The following DENND4C variants were observed in gnomAD, a reference collection of about 807,000 sequenced individuals.
DENND4C encodes the protein DENN domain-containing protein 4C.
In DENND4C, 108 loss-of-function variants were observed where a neutral mutation model predicts 203.0. That is an observed-to-expected ratio of 0.53 (90% CI 0.46 to 0.62). DENND4C has a LOEUF of 0.62. Among genes scored for constraint, DENND4C ranks in the 20% least tolerant of loss-of-function variants. DENND4C has a pLI of 0.00. For missense variants in DENND4C, 2,481 were observed against 2,301.2 expected (o/e 1.08, Z -1.60); for synonymous variants, 871 against 792.4 (o/e 1.10, Z -1.67).
At chr9:19,302,102 A>T (rs1838711372) in intron 9 of DENND4C, among the ~76,000 whole-genome samples, 1 of 152,244 alleles carries the variant, frequency 6.6e-6, no homozygotes, top group Non-Finnish European at 1.5e-5. Flanking sequence ...AAAATGCCAG[A>T]GTATATGAGG....
intron 23 of DENND4C, 56 bp downstream of exon 23, chr9:19,347,142 T>C: frequency 6.8e-7 from 1 of 1,466,112 alleles, no homozygotes; most frequent in Non-Finnish European, 9.3e-7. Flanking sequence ...ATAGTATCTT[T>C]CTAGAAATAT....
At position 19,273,174 on chromosome 9, in the gene DENND4C, A is replaced by G. The variant is rs949598966; in HGVS notation, c.-17-2984A>G. Among the ~76,000 whole-genome samples, 17 of 151,152 alleles carry G rather than the reference A, an allele frequency of 1.1e-4. 1 individual carries two copies. The highest frequency in any genetic ancestry group is 3.9e-4 in the African/African-American group (16 of 40,912). ...TCACTAGGTTAGCCAGATGGTCTCA[A>G]TCTCCTGACCTCGTGATCCACCTGC... On this transcript the variant is annotated intron_variant, in intron 1 of 32. Coordinates refer to ENST00000434457, the MANE Select transcript of DENND4C (RefSeq NM_001330640.2).
chr9:19,268,301 T>C (rs189024084), intron 1 of DENND4C, among the ~76,000 whole-genome samples: 262 of 152,246 alleles, frequency 1.7e-3, no homozygotes, highest in African/African-American at 6.1e-3. Context: ...GGTTTTGCCA[T>C]GTTGTCCAGG....
chr9:19,360,145 G>T, intron 28 of DENND4C, 99 bp from the exon 29 acceptor site: 2 of 1,260,444 alleles, frequency 1.6e-6, no homozygotes, highest in Non-Finnish European at 2.2e-6. Flanking sequence ...TAAAATAACT[G>T]ATTTAAAAAG....
intron 1 of DENND4C, among the ~76,000 whole-genome samples, chr9:19,264,922 T>C (rs1184977060): frequency 6.6e-6 from 1 of 152,192 alleles, no homozygotes; most frequent in Non-Finnish European, 1.5e-5. Context: ...GTAGGCACTT[T>C]TGCTATAAAC....
chr9:19,278,873 C>T (rs1211489185), intron 2 of DENND4C, among the ~76,000 whole-genome samples: 2 of 151,868 alleles, frequency 1.3e-5, no homozygotes, highest in Non-Finnish European at 2.9e-5. Context: ...CCACTCTGCC[C>T]CCCCAGAAGC....
chr9:19,303,521 C>T (rs1839023261), intron 9 of DENND4C, among the ~76,000 whole-genome samples: 1 of 152,144 alleles, frequency 6.6e-6, no homozygotes, highest in Non-Finnish European at 1.5e-5. Flanking sequence ...CTGTCTTTTA[C>T]AGAAAAAGTT....
chr9:19,236,385 T>C (rs1168493934), intron 1 of DENND4C, among the ~76,000 whole-genome samples: 1 of 152,208 alleles, frequency 6.6e-6, no homozygotes, highest in Non-Finnish European at 1.5e-5. Context: ...TACAACTTGC[T>C]GTAAAAAGGC....
intron 12 of DENND4C, among the ~76,000 whole-genome samples, chr9:19,319,348 A>AC (rs10682156): frequency 8.3e-5 from 4 of 48,254 alleles, no homozygotes; most frequent in African/African-American, 2.5e-4. Flanking sequence ...ACATATATAT[A>AC]TACTTATATA....
At chr9:19,271,479 G>A (rs1256607598) in intron 1 of DENND4C, among the ~76,000 whole-genome samples, 1 of 152,108 alleles carries the variant, frequency 6.6e-6, no homozygotes, top group African/African-American at 2.4e-5. Context: ...TGGAATTACA[G>A]GTGTGAGCTA....
intron 1 of DENND4C, among the ~76,000 whole-genome samples, chr9:19,246,381 C>G (rs1178959480): frequency 1.3e-5 from 2 of 152,112 alleles, no homozygotes; most frequent in Admixed American, 6.6e-5. Context: ...ACTTTGTTTG[C>G]TAAGAAGACT....
chr9:19,303,093 C>CT (rs1340586373), intron 9 of DENND4C, among the ~76,000 whole-genome samples: 3 of 151,452 alleles, frequency 2.0e-5, no homozygotes, highest in Non-Finnish European at 4.4e-5. Context: ...GGATTGAGGA[C>CT]TTTTTTGGAT....
chr9:19,354,426 G>T (rs900348825), intron 26 of DENND4C, among the ~76,000 whole-genome samples: 12 of 151,820 alleles, frequency 7.9e-5, no homozygotes, highest in Admixed American at 7.2e-4. Flanking sequence ...TAGTACCCAA[G>T]AATTCTCATT....
At chr9:19,352,949 C>G (rs1824487286) in intron 26 of DENND4C, among the ~76,000 whole-genome samples, 1 of 152,120 alleles carries the variant, frequency 6.6e-6, no homozygotes, top group Non-Finnish European at 1.5e-5. Context: ...GCCTGGGCAA[C>G]ATGGCAAGAC....
At chr9:19,286,581 C>A (rs1256469890) in intron 2 of DENND4C, among the ~76,000 whole-genome samples, 188 bp from the exon 3 acceptor site, 1 of 151,924 alleles carries the variant, frequency 6.6e-6, no homozygotes, top group Non-Finnish European at 1.5e-5. Flanking sequence ...ACTTGTAGTT[C>A]CCAAAGGAAT....
intron 20 of DENND4C, chr9:19,337,688 T>G (rs1319494392): frequency 7.8e-7 from 1 of 1,286,550 alleles, no homozygotes; most frequent in Admixed American, 2.3e-5. Context: ...TTCCCATTTA[T>G]TAGGTTAAAT....
At chr9:19,285,238 C>A (rs1172392835) in intron 2 of DENND4C, among the ~76,000 whole-genome samples, 1 of 152,048 alleles carries the variant, frequency 6.6e-6, no homozygotes, top group Non-Finnish European at 1.5e-5. Flanking sequence ...CTAATACTCT[C>A]CTGATTTAAA....
Position 19,324,525 on chromosome 9 carries a change from T to A in DENND4C, c.1953+18T>A. 1 of 1,590,314 alleles carries A rather than the reference T, an allele frequency of 6.3e-7. No individual in the cohort carries two copies. Among genetic ancestry groups the A allele is most frequent in the Non-Finnish European group, 8.5e-7 (1 of 1,174,520 alleles). Reference sequence around the variant, plus strand: ...TAGAAAAGGTAAAAGTTTGTACTTATACTAGTGTTTAGAAAAAAAAGTTTG... The same window carrying A: ...TAGAAAAGGTAAAAGTTTGTACTTAAACTAGTGTTTAGAAAAAAAAGTTTG... On this transcript the variant is annotated intron_variant, in intron 13 of 32. Transcript: ENST00000434457.
rs556826381 is a variant in DENND4C at position 19,286,185 on chromosome 9, C to T, written c.306-584C>T. Reference sequence around the variant, plus strand: ...GCCATCTTATCAATTTTCATTAATTCATTTTTCAGTTTTCATTAATCAAAT... The same window carrying T: ...GCCATCTTATCAATTTTCATTAATTTATTTTTCAGTTTTCATTAATCAAAT... On this transcript the variant is annotated intron_variant, in intron 2 of 32. Coordinates refer to ENST00000434457, the MANE Select transcript of DENND4C (RefSeq NM_001330640.2). Among the ~76,000 whole-genome samples the T allele has an allele frequency of 2.6e-5, 4 of 152,158 alleles. No individual in the cohort carries two copies. The East Asian group carries it at 7.7e-4, about 29-fold the overall frequency.
Sources: allele counts gnomAD v4.1 joint callset (sites outside exome capture counted in the v4.1 genomes callset), GRCh38; gene constraint gnomAD v4.1.1; transcripts MANE v1.5; gene names NCBI Gene and HGNC (gene_info 2026-07-23, HGNC 2026-07-21).